The following PGR variants were observed in gnomAD, a reference collection of about 807,000 sequenced individuals.
PGR encodes the protein nuclear receptor subfamily 3 group C member 3.
A neutral mutation model predicts 76.1 loss-of-function variants in PGR; 25 were observed. The observed-to-expected ratio is 0.33, with a 90% CI of 0.24 to 0.46. PGR has a LOEUF of 0.46. Ranked by LOEUF, PGR falls within the 20% of genes least tolerant of loss-of-function variation. The pLI, the probability that PGR is intolerant of heterozygous loss-of-function variation, is 1.00. For missense variants in PGR, 1,172 were observed against 1,225.3 expected (o/e 0.96, Z 0.65); for synonymous variants, 579 against 535.0 (o/e 1.08, Z -1.14).
At chr11:101,104,239 A>C (rs954080970) in intron 2 of PGR, among the ~76,000 whole-genome samples, 1 of 152,182 alleles carries the variant, frequency 6.6e-6, no homozygotes, top group Non-Finnish European at 1.5e-5. Flanking sequence ...GAATCACTGG[A>C]TATTTATGGG....
At position 101,091,748 on chromosome 11, in the gene PGR, C is replaced by A; in HGVS notation, c.1906+12G>T. 7.6e-7 allele frequency: 1 copy of A among 1,309,462 alleles called. No homozygotes were observed. Among genetic ancestry groups the A allele is most frequent in the Non-Finnish European group, 1.1e-6 (1 of 901,980 alleles). The allele number at this position is 1,309,462 out of a possible 1,614,324, so 81.1% of individuals were successfully genotyped here. On this transcript the variant is annotated intron_variant, in intron 3 of 7. Coordinates refer to ENST00000325455, the MANE Select transcript of PGR (RefSeq NM_000926.4). ...TTACACAGTATATTATTGATGAAAA[C>A]ATCAGAATTACCTCCAAGGACCATG... is the stretch of plus-strand genomic sequence containing the variant.
At position 101,032,516 on chromosome 11, in the gene PGR, T is replaced by A. The variant is rs1011066785; in HGVS notation, c.*6600A>T. On this transcript the variant is annotated 3_prime_UTR_variant, in exon 8 of 8. Transcript: ENST00000325455. The stretch of plus-strand genomic sequence containing the variant: ...CCCCACCCCACATTCTCTCTCCCCA[T>A]CAGGTTTGTGCAAATGTTGTTTGGG... 3.9e-5 allele frequency: 9 copies of A among 232,630 alleles called. No homozygotes were observed. The highest frequency in any genetic ancestry group is 1.8e-4 in the African/African-American group (8 of 45,308). 14.4% of individuals were successfully genotyped at this position (232,630 alleles called of 1,614,324 possible). A position where few individuals can be genotyped will look rare whatever the true frequency, so the allele number is the denominator to read the frequency against.
Position 101,124,118 on chromosome 11 carries a change from T to C in PGR, c.1789+1889A>G, listed in dbSNP as rs35416901. On this transcript the variant is annotated intron_variant, in intron 2 of 7. Transcript: ENST00000325455. ...TTGTTCTAGTTTCATGAATGATTTA[T>C]CTGCATCAATCTTAAGTAACTCTTT... 7.2e-3 allele frequency among the ~76,000 whole-genome samples: 1,097 copies of C among 152,342 alleles called. 16 individuals carry two copies. Among genetic ancestry groups the C allele is most frequent in the African/African-American group, 0.025 (1,028 of 41,578 alleles).
At chr11:101,061,404 T>C (rs1271920199) in intron 4 of PGR, among the ~76,000 whole-genome samples, 2 of 152,182 alleles carry the variant, frequency 1.3e-5, no homozygotes, top group Non-Finnish European at 2.9e-5. Flanking sequence ...CAAACAGGTA[T>C]CTATTTTTCT....
chr11:101,039,366 A>T, intron 7 of PGR, 95 bp from the exon 8 acceptor site: 6 of 909,992 alleles, frequency 6.6e-6, no homozygotes, highest in African/African-American at 1.7e-5. Context: ...ACTATTTATA[A>T]TATAAATACT....
rs774044786 is a variant in PGR, at chr11:101,039,145, C to T, written c.2773G>A (p.Val925Met). Residue 925 changes from valine (V) to methionine (M), a missense_variant, in exon 8 of 8, where the codon GTG (valine) becomes ATG (methionine). Physicochemically the swap from Val to Met is conservative, Grantham distance 21. Around this residue, in one of 4 missense-constraint regions of PGR, gnomAD observed 166 missense variants for 296.0 expected, o/e 0.56. Transcript: ENST00000325455. ...TTTTTATGAAAGAGAAGGGGTTTCA[C>T]CATCCCTGCCAATATCTTGGGTAAT... ...AQLPKILAGM[V>M]KPLLFHKK 7.4e-6 allele frequency: 12 copies of T among 1,611,666 alleles called. No homozygotes were observed. The highest frequency in any genetic ancestry group is 1.0e-5 in the Non-Finnish European group (12 of 1,178,370).
chr11:101,093,326 T>TA (rs397939803), intron 2 of PGR, among the ~76,000 whole-genome samples: 3 of 151,898 alleles, frequency 2.0e-5, no homozygotes, highest in Non-Finnish European at 2.9e-5. Flanking sequence ...TTTTTTTTTT[T>TA]ACCACAAGTT....
At chr11:101,126,295 C>A in intron 1 of PGR, 137 bp from the exon 2 acceptor site, 2 of 794,212 alleles carry the variant, frequency 2.5e-6, no homozygotes, top group South Asian at 1.5e-5. Flanking sequence ...GAAAGACATG[C>A]AAACTAAACT....
rs1370480333 is a variant in PGR, at chr11:101,033,402, A to G, written c.*5714T>C. On this transcript the variant is annotated 3_prime_UTR_variant, in exon 8 of 8. Transcript: ENST00000325455. ...AAAGCCCTTAGAAAAAGATAACTTA[A>G]TTGTATGTAATATATTATGACCCCA... 1 of 192,572 alleles carries G rather than the reference A, an allele frequency of 5.2e-6. No homozygotes were observed. The highest frequency in any genetic ancestry group is 8.2e-5 in the East Asian group (1 of 12,144). The allele number at this position is 192,572 out of a possible 1,614,324, so 11.9% of individuals were successfully genotyped here. A position where few individuals can be genotyped will look rare whatever the true frequency, so the allele number is the denominator to read the frequency against.
intron 2 of PGR, among the ~76,000 whole-genome samples, chr11:101,093,679 G>A (rs1030307312): frequency 1.3e-5 from 2 of 152,030 alleles, no homozygotes; most frequent in African/African-American, 4.8e-5. Context: ...GGCTGGTCTC[G>A]AACTCCCAAC....
chr11:101,060,626 T>C (rs528125278), intron 4 of PGR, among the ~76,000 whole-genome samples: 1 of 152,324 alleles, frequency 6.6e-6, no homozygotes, highest in East Asian at 1.9e-4. Context: ...TCACTGACCA[T>C]TTTCATAATT....
In PGR at chr11:101,037,679, A is replaced by C; in HGVS notation, c.*1437T>G. The C allele has an allele frequency of 4.4e-6, 1 of 226,194 alleles. No homozygotes were observed. Among genetic ancestry groups the C allele is most frequent in the African/African-American group, 2.2e-5 (1 of 45,026 alleles). 14.0% of individuals were successfully genotyped at this position (226,194 alleles called of 1,614,324 possible). On this transcript the variant is annotated 3_prime_UTR_variant, in exon 8 of 8. Coordinates refer to ENST00000325455, the MANE Select transcript of PGR (RefSeq NM_000926.4). ...AAGGGAGAGATCTCACAAAGTAGGA[A>C]GCAAAGGTGGAAAATTTAAAAGTAA...
intron 2 of PGR, among the ~76,000 whole-genome samples, chr11:101,095,907 T>A (rs542384): frequency 0.71 from 108,641 of 152,068 alleles, 40,472 homozygotes; most frequent in Non-Finnish European, 0.83. Flanking sequence ...ATTCTCAAAC[T>A]TGCATGAAAT....
At chr11:101,068,272 T>C (rs775489212) in intron 3 of PGR, among the ~76,000 whole-genome samples, 6 of 152,098 alleles carry the variant, frequency 3.9e-5, no homozygotes, top group Non-Finnish European at 8.8e-5. Flanking sequence ...CCATTCACAA[T>C]TGCTACAAAG....
At chr11:101,107,403 A>C (rs1565362079) in intron 2 of PGR, among the ~76,000 whole-genome samples, 1 of 152,190 alleles carries the variant, frequency 6.6e-6, no homozygotes, top group African/African-American at 2.4e-5. Flanking sequence ...CATATCTTCT[A>C]ACTTATAAAA....
In PGR at chr11:101,115,824, T is replaced by C. The variant is rs1862488002; in HGVS notation, c.1789+10183A>G. ...AATTGTTTATAAAAATTTTCAGGGC[T>C]GCTACATTGCAAAAAGCCAGCAGGC... On this transcript the variant is annotated intron_variant, in intron 2 of 7. Coordinates refer to ENST00000325455, the MANE Select transcript of PGR (RefSeq NM_000926.4). Among the ~76,000 whole-genome samples, 2 of 152,050 alleles carry C rather than the reference T, an allele frequency of 1.3e-5. 1 individual carries two copies. The highest frequency in any genetic ancestry group is 4.1e-4 in the South Asian group (2 of 4,820).
At chr11:101,080,431 T>A (rs1861266705) in intron 3 of PGR, among the ~76,000 whole-genome samples, 1 of 149,496 alleles carries the variant, frequency 6.7e-6, no homozygotes, top group Non-Finnish European at 1.5e-5. Context: ...ACAAAAAAAA[T>A]TATTAAAATA....
chr11:101,043,226 C>T (rs936153319), intron 6 of PGR, among the ~76,000 whole-genome samples: 1 of 152,180 alleles, frequency 6.6e-6, no homozygotes, highest in African/African-American at 2.4e-5. Context: ...GTTGTCACTT[C>T]AATAATCTTC....
chr11:101,088,189 C>T (rs559620344), intron 3 of PGR, among the ~76,000 whole-genome samples: 8 of 152,162 alleles, frequency 5.3e-5, no homozygotes, highest in African/African-American at 1.7e-4. Context: ...CAGAGTGAGA[C>T]TCTGTCTCAA....
Sources: allele counts gnomAD v4.1 joint callset (sites outside exome capture counted in the v4.1 genomes callset), GRCh38; gene constraint gnomAD v4.1.1; regional missense constraint gnomAD v4.1.1; transcripts MANE v1.5; gene names NCBI Gene and HGNC (gene_info 2026-07-23, HGNC 2026-07-21).